Variants in GRID2 observed in about 807,000 individuals in gnomAD.
GRID2 encodes glutamate ionotropic receptor delta type subunit 2, also known as glutamate receptor ionotropic, delta-2.
GRID2 carries 33 observed loss-of-function variants against 114.8 expected under a neutral mutation model. That is an observed-to-expected ratio of 0.29 (90% CI 0.22 to 0.38). The LOEUF (loss-of-function observed/expected upper bound fraction) is 0.38. GRID2 is among the 10% of genes least tolerant of loss of function. GRID2 has a pLI of 1.00. For missense variants in GRID2, 1,184 were observed against 1,257.7 expected (o/e 0.94, Z 0.89); for synonymous variants, 505 against 449.9 (o/e 1.12, Z -1.55).
rs570252859 is a variant in GRID2 at position 93,164,897 on chromosome 4, C to A, written c.736-42507C>A. ...GATATTGACGTGTTAAGGAAAATAA[C>A]GTATCTGCAGCCCCTTTCCAGAGAG... On this transcript the variant is annotated intron_variant, in intron 4 of 15. Coordinates refer to ENST00000282020, the MANE Select transcript of GRID2 (RefSeq NM_001510.4). The A allele has an allele frequency of 2.0e-5, 5 of 255,448 alleles. 1 individual carries two copies. Among genetic ancestry groups the A allele is most frequent in the Admixed American group, 8.1e-5 (2 of 24,604 alleles). 15.8% of individuals were successfully genotyped at this position (255,448 alleles called of 1,614,324 possible).
intron 4 of GRID2, among the ~76,000 whole-genome samples, chr4:93,195,919 T>C (rs1741443610): frequency 6.6e-6 from 1 of 152,208 alleles, no homozygotes; most frequent in South Asian, 2.1e-4. Flanking sequence ...ATGTTCTTGC[T>C]TTATGTGATC....
intron 10 of GRID2, among the ~76,000 whole-genome samples, chr4:93,443,784 C>T (rs1431542236): frequency 6.8e-6 from 1 of 148,098 alleles, no homozygotes; most frequent in African/African-American, 2.5e-5. Flanking sequence ...ATGGGAGAGA[C>T]TTTTTTTTTT....
chr4:92,388,584 A>G (rs1052214302), intron 1 of GRID2, among the ~76,000 whole-genome samples: 1 of 152,038 alleles, frequency 6.6e-6, no homozygotes, highest in African/African-American at 2.4e-5. Flanking sequence ...CTTTTATCAC[A>G]GGAATTCTGC....
At chr4:92,683,464 G>A (rs1220238894) in intron 2 of GRID2, among the ~76,000 whole-genome samples, 1 of 151,900 alleles carries the variant, frequency 6.6e-6, no homozygotes, top group Non-Finnish European at 1.5e-5. Context: ...CAAGAGAAGT[G>A]GTGTTTTTGG....
At chr4:93,591,854 A>G (rs980554493) in intron 13 of GRID2, among the ~76,000 whole-genome samples, 4 of 152,102 alleles carry the variant, frequency 2.6e-5, no homozygotes, top group African/African-American at 9.7e-5. Flanking sequence ...AGAGGTGTTT[A>G]TAGTATTCTC....
intron 8 of GRID2, among the ~76,000 whole-genome samples, chr4:93,240,362 C>T (rs1463695601): frequency 1.3e-5 from 2 of 151,474 alleles, no homozygotes; most frequent in African/African-American, 4.8e-5. Flanking sequence ...TTTCAATTTA[C>T]ATTTCCCTGA....
intron 2 of GRID2, among the ~76,000 whole-genome samples, chr4:92,732,384 T>C (rs1206573956): frequency 6.6e-6 from 1 of 152,084 alleles, no homozygotes; most frequent in Non-Finnish European, 1.5e-5. Context: ...ACTGAGTGTA[T>C]ACTATATGTG....
chr4:92,608,092 C>G (rs1729546252), intron 2 of GRID2, among the ~76,000 whole-genome samples: 1 of 151,620 alleles, frequency 6.6e-6, no homozygotes, highest in South Asian at 2.1e-4. Flanking sequence ...AAAAATAAAT[C>G]CTTGCGACTG....
At chr4:92,572,273 GA>G (rs1727665987) in intron 1 of GRID2, among the ~76,000 whole-genome samples, 1 of 152,098 alleles carries the variant, frequency 6.6e-6, no homozygotes, top group South Asian at 2.1e-4. Flanking sequence ...AAATAAACTA[GA>G]AAATCTACAA....
At chr4:92,493,500 A>G (rs1234218952) in intron 1 of GRID2, among the ~76,000 whole-genome samples, 1 of 152,162 alleles carries the variant, frequency 6.6e-6, no homozygotes, top group African/African-American at 2.4e-5. Context: ...CTAACCTTCA[A>G]TTAATGACGG....
At chr4:93,596,437 G>A (rs746878855) in intron 13 of GRID2, among the ~76,000 whole-genome samples, 3 of 152,100 alleles carry the variant, frequency 2.0e-5, no homozygotes, top group East Asian at 1.9e-4. Flanking sequence ...AATTAGCTGG[G>A]CATGGTGGCA....
chr4:93,759,124 A>G (rs565790619), intron 14 of GRID2, among the ~76,000 whole-genome samples: 1 of 152,182 alleles, frequency 6.6e-6, no homozygotes, highest in South Asian at 2.1e-4. Context: ...TGAGTGCTTG[A>G]CTTTTACTGC....
intron 2 of GRID2, among the ~76,000 whole-genome samples, chr4:92,968,472 C>T (rs757141087): frequency 6.6e-5 from 10 of 151,816 alleles, no homozygotes; most frequent in Admixed American, 3.3e-4. Context: ...GCAAAAACCA[C>T]CTCTTTTTAA....
intron 2 of GRID2, among the ~76,000 whole-genome samples, chr4:93,079,652 G>C (rs909359786): frequency 6.6e-6 from 1 of 151,982 alleles, no homozygotes; most frequent in Non-Finnish European, 1.5e-5. Flanking sequence ...TTTCTTACTT[G>C]AAAGTTGGAA....
At chr4:93,750,360 A>T (rs1030143802) in intron 14 of GRID2, among the ~76,000 whole-genome samples, 2 of 152,198 alleles carry the variant, frequency 1.3e-5, no homozygotes, top group African/African-American at 2.4e-5. Flanking sequence ...CAACCCAAAA[A>T]TAGTAAATAA....
At chr4:92,366,413 A>G (rs564228471) in intron 1 of GRID2, among the ~76,000 whole-genome samples, 1 of 152,112 alleles carries the variant, frequency 6.6e-6, no homozygotes, top group South Asian at 2.1e-4. Flanking sequence ...AATAGGCATA[A>G]TAGTATACAT....
chr4:92,393,665 C>A (rs1254258142), intron 1 of GRID2, among the ~76,000 whole-genome samples: 1 of 152,036 alleles, frequency 6.6e-6, no homozygotes, highest in African/African-American at 2.4e-5. Flanking sequence ...TGACTAATTC[C>A]TGGCTACAAA....
At chr4:92,931,760 T>G (rs1254778750) in intron 2 of GRID2, among the ~76,000 whole-genome samples, 1 of 151,100 alleles carries the variant, frequency 6.6e-6, no homozygotes. Flanking sequence ...AATAAAGTCA[T>G]GTGTTATTGC....
intron 2 of GRID2, among the ~76,000 whole-genome samples, chr4:92,897,264 T>A (rs1747239906): frequency 6.6e-6 from 1 of 152,124 alleles, no homozygotes; most frequent in African/African-American, 2.4e-5. Context: ...ATTCTCCCCA[T>A]GTCTCTCTAA....
Sources: gnomAD v4.1 joint callset for allele counts (sites outside exome capture counted in the v4.1 genomes callset) on GRCh38, gnomAD v4.1.1 for gene constraint, MANE v1.5 for transcripts, NCBI Gene and HGNC (gene_info 2026-07-23, HGNC 2026-07-21) for gene names.